The following NUP214 variants were observed in gnomAD, a reference collection of about 807,000 sequenced individuals.
NUP214 encodes nucleoporin 214.
NUP214 carries 79 observed loss-of-function variants against 196.2 expected under a neutral mutation model. That is an observed-to-expected ratio of 0.40 (90% CI 0.34 to 0.49). The LOEUF is 0.49. NUP214 is among the 20% of genes least tolerant of loss of function. The pLI is 0.58. For synonymous variants in NUP214, 1,020 were observed against 990.5 expected, an observed-to-expected ratio of 1.03 and a Z score of -0.56; for missense variants, 2,468 against 2,539.0, an observed-to-expected ratio of 0.97 and a Z score of 0.60.
intron 5 of NUP214, 58 bp from the exon 6 acceptor site, chr9:131,132,538 G>T: frequency 7.0e-7 from 1 of 1,438,298 alleles, no homozygotes; most frequent in Non-Finnish European, 9.8e-7. Flanking sequence ...TTGACAGTTT[G>T]ATTGGTTTAG....
In NUP214 at chr9:131,225,582, A is replaced by G. The variant is rs545572267; in HGVS notation, c.5903-2578A>G. Among the ~76,000 whole-genome samples the G allele has an allele frequency of 1.4e-4, 22 of 152,334 alleles. 1 individual carries two copies. The highest frequency in any genetic ancestry group is 5.1e-4 in the African/African-American group (21 of 41,570). ...TTCAGATACATAAGATGAGTGAACT[A>G]GTAACCATAAACATCAAAGTGAGGG... is the stretch of plus-strand genomic sequence containing the variant. On this transcript the variant is annotated intron_variant, in intron 32 of 35. Transcript: ENST00000359428.
rs775067456 is a variant in NUP214 at position 131,163,945 on chromosome 9, C to G, written c.2799C>G (p.Pro933=). 27 of 1,614,068 alleles carry G rather than the reference C, an allele frequency of 1.7e-5. No homozygotes were observed. The highest frequency in any genetic ancestry group is 2.1e-5 in the Non-Finnish European group (25 of 1,179,928). The part of the protein sequence containing the change: ...TTIESHTKSL[P]KVPAKLSPMK... ...TAGAATCTCACACCAAATCCTTGCC[C>G]AAAGTACCAGGTAATTGCATCCTTC... Residue 933 remains proline, a synonymous_variant, in exon 20 of 36, where the codon CCC becomes CCG. Coordinates refer to ENST00000359428, the MANE Select transcript of NUP214 (RefSeq NM_005085.4).
intron 7 of NUP214, 95 bp downstream of exon 7, chr9:131,133,304 G>GTTTTGTGTTT (rs1831616267): frequency 1.7e-5 from 7 of 421,966 alleles, no homozygotes; most frequent in Middle Eastern, 6.5e-4. Context: ...TTGTGTTTGT[G>GTTTTGTGTTT]TTTTTTTTTT....
At chr9:131,218,442 G>A (rs1268043170) in intron 31 of NUP214, among the ~76,000 whole-genome samples, 1 of 152,138 alleles carries the variant, frequency 6.6e-6, no homozygotes, top group African/African-American at 2.4e-5. Context: ...AATTGACTCT[G>A]CATCATTTGA....
At chr9:131,226,707 C>T (rs1169113930) in intron 32 of NUP214, among the ~76,000 whole-genome samples, 1 of 151,914 alleles carries the variant, frequency 6.6e-6, no homozygotes, top group Non-Finnish European at 1.5e-5. Context: ...TTTTAACATG[C>T]GGAATGTTAA....
chr9:131,215,499 C>T, intron 31 of NUP214, 131 bp downstream of exon 31: 1 of 1,019,108 alleles, frequency 9.8e-7, no homozygotes, highest in East Asian at 3.0e-5. Context: ...AATATCTTCC[C>T]CAAAGCAGTG....
chr9:131,210,073 G>A (rs1046996140), intron 30 of NUP214, among the ~76,000 whole-genome samples: 4 of 152,166 alleles, frequency 2.6e-5, no homozygotes, highest in East Asian at 1.9e-4. Flanking sequence ...TTAATCAGAC[G>A]AAATGGGAGC....
intron 4 of NUP214, 84 bp downstream of exon 4, chr9:131,129,561 C>A: frequency 7.4e-7 from 1 of 1,360,352 alleles, no homozygotes; most frequent in Non-Finnish European, 1.0e-6. Context: ...AAGTGGATAG[C>A]TTTTTGTGTT....
At position 131,197,431 on chromosome 9, in the gene NUP214, C is replaced by G; in HGVS notation, c.3937C>G (p.Pro1313Ala). The change falls in exon 29 of 36, where the codon CCA (proline) becomes GCA (alanine). Residue 1313 changes from proline (P) to alanine (A), a missense_variant. By Grantham distance (27) the Pro-to-Ala change is conservative (BLOSUM62 -1). Around this residue, in one of 5 missense-constraint regions of NUP214, gnomAD observed 1,801 missense variants for 1,779.4 expected, o/e 1.01. Transcript: ENST00000359428. Reference sequence around the variant, plus strand: ...CACCACCTCTAGTAAGCTGGAAACCCCACCGTCCAAGCTGGGAGAGCTTCT... The same window carrying G: ...CACCACCTCTAGTAAGCTGGAAACCGCACCGTCCAAGCTGGGAGAGCTTCT... Reference protein sequence around the residue: ...LSTTSSKLETPPSKLGELLFP... With the variant: ...LSTTSSKLETAPSKLGELLFP... 1 of 1,614,108 alleles carries G rather than the reference C, an allele frequency of 6.2e-7. No homozygotes were observed. The highest frequency in any genetic ancestry group is 8.5e-7 in the Non-Finnish European group (1 of 1,180,020).
chr9:131,168,378 A>G (rs1564193047), intron 21 of NUP214, among the ~76,000 whole-genome samples: 1 of 152,202 alleles, frequency 6.6e-6, no homozygotes, highest in Non-Finnish European at 1.5e-5. Context: ...TTGAGGTATA[A>G]TTTACATATA....
chr9:131,174,555 T>C (rs1833060319), intron 22 of NUP214, among the ~76,000 whole-genome samples: 1 of 150,828 alleles, frequency 6.6e-6, no homozygotes, highest in Non-Finnish European at 1.5e-5. Context: ...TTCAAATGAT[T>C]CTCCTGCCTC....
intron 21 of NUP214, 32 bp from the exon 22 acceptor site, chr9:131,174,023 T>C: frequency 1.9e-6 from 3 of 1,607,346 alleles, no homozygotes; most frequent in Non-Finnish European, 2.5e-6. Context: ...CTTTGAGTTG[T>C]CTAAATTGTG....
intron 32 of NUP214, among the ~76,000 whole-genome samples, chr9:131,225,665 C>T (rs528334824): frequency 1.3e-5 from 2 of 152,198 alleles, no homozygotes; most frequent in African/African-American, 4.8e-5. Context: ...CTGCAGAACT[C>T]GTATTGGTTC....
Position 131,198,812 on chromosome 9 carries a change from G to C in NUP214, c.5318G>C (p.Gly1773Ala). 6.2e-7 allele frequency: 1 copy of C among 1,614,150 alleles called. No homozygotes were observed. The highest frequency in any genetic ancestry group is 8.5e-7 in the Non-Finnish European group (1 of 1,180,028). The change falls in exon 29 of 36, where the codon GGT becomes GCT. Residue 1773 changes from glycine (G) to alanine (A), a missense_variant. By Grantham distance (60) the Gly-to-Ala change is moderately conservative. Around this residue, in one of 5 missense-constraint regions of NUP214, gnomAD observed 1,801 missense variants for 1,779.4 expected, o/e 1.01. Transcript: ENST00000359428. Reference sequence around the variant, plus strand: ...ACATCCACCAGTGGAAGTGTCTTTGGTGCCGCCTCAAGTACCAGTAGCTCC... The same window carrying C: ...ACATCCACCAGTGGAAGTGTCTTTGCTGCCGCCTCAAGTACCAGTAGCTCC... Reference protein sequence around the residue: ...TPTSTSGSVFGAASSTSSSSS... With the variant: ...TPTSTSGSVFAAASSTSSSSS...
intron 32 of NUP214, among the ~76,000 whole-genome samples, chr9:131,224,320 T>C (rs1408722374): frequency 6.6e-6 from 1 of 151,778 alleles, no homozygotes; most frequent in Admixed American, 6.5e-5. Context: ...CTCCACCCTG[T>C]TTCTGTCTCT....
rs576469478 is a variant in NUP214 at position 131,221,224 on chromosome 9, G to A, written c.5750-1554G>A. Among the ~76,000 whole-genome samples the A allele has an allele frequency of 7.9e-5, 12 of 152,312 alleles. No individual in the cohort carries two copies. In the South Asian group the frequency reaches 1.7e-3, roughly 21 times the overall value. Reference sequence around the variant, plus strand: ...AAGGGATACATTATCCTGTGGTACCGAGTTATGAGGGTGATACAAAGGGAT... The same window carrying A: ...AAGGGATACATTATCCTGTGGTACCAAGTTATGAGGGTGATACAAAGGGAT... On this transcript the variant is annotated intron_variant, in intron 31 of 35. Transcript: ENST00000359428.
Position 131,215,324 on chromosome 9 carries a change from C to T in NUP214, c.5705C>T (p.Pro1902Leu). Residue 1902 changes from proline (P) to leucine (L), a missense_variant, in exon 31 of 36, where the codon CCA becomes CTA. Physicochemically the swap from Pro to Leu is moderately conservative, Grantham distance 98. Transcript: ENST00000359428. ...AGTCAGGATGCAGCCAACAAAAACCCATTCAGCTCGGCCAGTGGGGGCTTT... is the reference window on the plus strand; with the variant it reads ...AGTCAGGATGCAGCCAACAAAAACCTATTCAGCTCGGCCAGTGGGGGCTTT... ...KPSQDAANKN[P>L]FSSASGGFGS... 1 of 1,606,570 alleles carries T rather than the reference C, an allele frequency of 6.2e-7. No homozygotes were observed. The highest frequency in any genetic ancestry group is 8.5e-7 in the Non-Finnish European group (1 of 1,176,436).
chr9:131,160,030 TTATC>T (rs1832583067), intron 18 of NUP214, among the ~76,000 whole-genome samples: 1 of 152,168 alleles, frequency 6.6e-6, no homozygotes, highest in Non-Finnish European at 1.5e-5. Flanking sequence ...TTCAGCCTAA[TTATC>T]TAAAGGTACA....
At chr9:131,233,423 G>T in intron 35 of NUP214, 31 bp from the exon 36 acceptor site, 2 of 1,583,650 alleles carry the variant, frequency 1.3e-6, no homozygotes, top group South Asian at 1.1e-5. Flanking sequence ...CAGAGCAGCT[G>T]ACTCCACCAC....
Sources: gnomAD v4.1 joint callset for allele counts (sites outside exome capture counted in the v4.1 genomes callset) on GRCh38, gnomAD v4.1.1 for gene constraint, gnomAD v4.1.1 regional missense constraint, MANE v1.5 for transcripts, NCBI Gene and HGNC (gene_info 2026-07-23, HGNC 2026-07-21) for gene names.